LRP2BP: variants seen among roughly 807,000 people sequenced by gnomAD.
LRP2BP encodes the protein LRP2 binding protein, also known as LRP2-binding protein.
A neutral mutation model predicts 45.2 loss-of-function variants in LRP2BP; 38 were observed. That is an observed-to-expected ratio of 0.84 (90% CI 0.65 to 1.10). LRP2BP has a LOEUF of 1.10. Ranked by LOEUF, LRP2BP falls within the 50% of genes least tolerant of loss-of-function variation. LRP2BP has a pLI of 0.00. For synonymous variants in LRP2BP, 153 were observed against 153.9 expected (o/e 0.99, Z 0.04); for missense variants, 385 against 418.9 (o/e 0.92, Z 0.71).
chr4:185,375,219 G>C (rs2095429155), intron 4 of LRP2BP, among the ~76,000 whole-genome samples: 1 of 150,374 alleles, frequency 6.7e-6, no homozygotes, highest in African/African-American at 2.4e-5. Context: ...GGGAATACAA[G>C]CATGCACCAC....
chr4:185,379,884 A>G (rs2095450667), intron 1 of LRP2BP, among the ~76,000 whole-genome samples: 1 of 152,140 alleles, frequency 6.6e-6, no homozygotes, highest in African/African-American at 2.4e-5. Context: ...GCATTGGTAC[A>G]ATCATAGCTC....
At chr4:185,379,822 C>G (rs753445907) in intron 1 of LRP2BP, among the ~76,000 whole-genome samples, 5,903 of 152,128 alleles carry the variant, frequency 0.039, 168 homozygotes, top group African/African-American at 0.078. Context: ...TTCTCTCTCT[C>G]TCTCTCTCTC....
At chr4:185,369,915 C>G (rs1285624227) in intron 8 of LRP2BP, 2 of 298,718 alleles carry the variant, frequency 6.7e-6, no homozygotes, top group African/African-American at 4.5e-5. Context: ...ACTCAGAAGA[C>G]TCCCCCACTC....
intron 1 of LRP2BP, among the ~76,000 whole-genome samples, chr4:185,388,512 A>G (rs974328233): frequency 2.5e-5 from 3 of 117,682 alleles, no homozygotes; most frequent in African/African-American, 7.1e-5. Flanking sequence ...TACCTAGGCT[A>G]TCTATCTACC....
At chr4:185,384,937 T>G (rs2095466529) in intron 1 of LRP2BP, among the ~76,000 whole-genome samples, 1 of 140,148 alleles carries the variant, frequency 7.1e-6, no homozygotes, top group African/African-American at 2.6e-5. Flanking sequence ...TAGGTCCGTT[T>G]GTGTGTTTAA....
chr4:185,370,819 G>A lies in LRP2BP; in HGVS notation c.804-5C>T, dbSNP rs956256420. 6.2e-7 allele frequency: 1 copy of A among 1,613,916 alleles called. No individual in the cohort carries two copies. The highest frequency in any genetic ancestry group is 8.5e-7 in the Non-Finnish European group (1 of 1,179,924). On this transcript the variant is annotated splice_polypyrimidine_tract_variant and splice_region_variant and intron_variant, in intron 7 of 8. Coordinates refer to ENST00000505916, the MANE Select transcript of LRP2BP (RefSeq NM_001377440.1). ...ACCTCATCATAGTCAGCGATCCTGA[G>A]AGGATGTAGAGTTGTGAAATGGAAA...
At chr4:185,386,030 CAG>C (rs539600854) in intron 1 of LRP2BP, among the ~76,000 whole-genome samples, 1 of 152,018 alleles carries the variant, frequency 6.6e-6, no homozygotes, top group African/African-American at 2.4e-5. Context: ...TAGAGCAAGA[CAG>C]AGAGAAGTTA....
chr4:185,377,255 C>T (rs1343327755), intron 2 of LRP2BP: 4 of 436,906 alleles, frequency 9.2e-6, no homozygotes, highest in South Asian at 3.0e-5. Flanking sequence ...CGGTGGCTCA[C>T]GCCTGTAAAT....
chr4:185,376,179 G>A (rs750068496), intron 3 of LRP2BP, among the ~76,000 whole-genome samples: 5 of 152,128 alleles, frequency 3.3e-5, no homozygotes, highest in African/African-American at 9.7e-5. Flanking sequence ...GAAAGAGGGC[G>A]ATTTCCTCCT....
upstream of LRP2BP, chr4:185,397,220 C>G (rs776917043): frequency 1.2e-6 from 2 of 1,614,108 alleles, no homozygotes; most frequent in Non-Finnish European, 8.5e-7. Context: ...TGCAAGCAGT[C>G]GCCTGTCCAC....
intron 1 of LRP2BP, among the ~76,000 whole-genome samples, chr4:185,387,764 A>C (rs1213877746): frequency 6.6e-6 from 1 of 152,212 alleles, no homozygotes; most frequent in Non-Finnish European, 1.5e-5. Flanking sequence ...ACCCCGCTGG[A>C]TAACGGGTTC....
intron 1 of LRP2BP, among the ~76,000 whole-genome samples, chr4:185,380,484 T>C (rs534519792): frequency 2.0e-5 from 3 of 152,302 alleles, no homozygotes; most frequent in Non-Finnish European, 4.4e-5. Context: ...CCTAGGCTTG[T>C]AGTTGCACAA....
chr4:185,368,399 C>G (rs1045342617), intron 8 of LRP2BP, among the ~76,000 whole-genome samples: 16 of 152,144 alleles, frequency 1.1e-4, no homozygotes, highest in African/African-American at 3.4e-4. Flanking sequence ...TCTGCCATAA[C>G]ACACTGCCTG....
At chr4:185,381,176 A>G (rs1417492087) in intron 1 of LRP2BP, among the ~76,000 whole-genome samples, 1 of 152,200 alleles carries the variant, frequency 6.6e-6, no homozygotes, top group African/African-American at 2.4e-5. Flanking sequence ...TTTACACTAT[A>G]TAAATGGAAT....
In LRP2BP at chr4:185,394,836, G is replaced by A. The variant is rs536862063; in HGVS notation, c.-79C>T. The A allele has an allele frequency of 2.7e-5, 27 of 985,264 alleles. No homozygotes were observed. In the African/African-American group the frequency reaches 3.7e-4, roughly 13 times the overall value. The allele number at this position is 985,264 out of a possible 1,614,324, so 61.0% of individuals were successfully genotyped here. A position where few individuals can be genotyped will look rare whatever the true frequency, so the allele number is the denominator to read the frequency against. ...TAAATGGCATCCTCGTTCTGGAAAC[G>A]CATCTACCAGCAATTAAAACATGTA... On this transcript the variant is annotated 5_prime_UTR_variant, in exon 1 of 9. Coordinates refer to ENST00000505916, the MANE Select transcript of LRP2BP (RefSeq NM_001377440.1).
chr4:185,389,844 C>T (rs1232246132), intron 1 of LRP2BP, among the ~76,000 whole-genome samples: 1 of 152,034 alleles, frequency 6.6e-6, no homozygotes, highest in Non-Finnish European at 1.5e-5. Flanking sequence ...ACAAGAATGA[C>T]AGTGGAGATT....
intron 1 of LRP2BP, among the ~76,000 whole-genome samples, chr4:185,388,989 C>A (rs965605566): frequency 6.6e-6 from 1 of 151,950 alleles, no homozygotes; most frequent in East Asian, 1.9e-4. Flanking sequence ...AATTCTCCTG[C>A]TTGAATCAGC....
chr4:185,366,892 A>G lies in LRP2BP; in HGVS notation c.*288T>C. 1 of 223,766 alleles carries G rather than the reference A, an allele frequency of 4.5e-6. No individual in the cohort carries two copies. Among genetic ancestry groups the G allele is most frequent in the East Asian group, 8.9e-5 (1 of 11,276 alleles). The allele number at this position is 223,766 out of a possible 1,614,324, so 13.9% of individuals were successfully genotyped here. On this transcript the variant is annotated 3_prime_UTR_variant, in exon 9 of 9. Transcript: ENST00000505916. ...GGAGACTCGGTGTTTAAGAAAGGAT[A>G]AACGATACTTGCTGTATAGAATGGT...
chr4:185,367,300 C>T, intron 8 of LRP2BP, 55 bp from the exon 9 acceptor site: 13 of 1,336,564 alleles, frequency 9.7e-6, no homozygotes, highest in Admixed American at 4.6e-5. Context: ...TTGGGTCTTT[C>T]TTCTTTTTTT....
Sources: gnomAD v4.1 joint callset for allele counts (sites outside exome capture counted in the v4.1 genomes callset) on GRCh38, gnomAD v4.1.1 for gene constraint, MANE v1.5 for transcripts, NCBI Gene and HGNC (gene_info 2026-07-23, HGNC 2026-07-21) for gene names.